The following SENP1 variants were observed in gnomAD, a reference collection of about 807,000 sequenced individuals.
SENP1 encodes sentrin-specific protease 1.
SENP1 carries 21 observed loss-of-function variants against 93.0 expected under a neutral mutation model. The ratio of observed to expected loss-of-function variants is 0.23; its 90% CI spans 0.16 to 0.33. SENP1 has a LOEUF of 0.33. Among genes scored for constraint, SENP1 ranks in the 10% least tolerant of loss-of-function variants. The pLI, the probability that SENP1 is intolerant of heterozygous loss-of-function variation, is 1.00. For synonymous variants in SENP1, 256 were observed against 259.6 expected (o/e 0.99, Z 0.13); for missense variants, 591 against 758.7 (o/e 0.78, Z 2.60).
chr12:48,098,292 A>C (rs1173735218), intron 2 of SENP1, among the ~76,000 whole-genome samples, 168 bp from the exon 3 acceptor site: 1 of 150,170 alleles, frequency 6.7e-6, no homozygotes, highest in Admixed American at 6.6e-5. Context: ...TTTGAGGCCA[A>C]AAGTTCAAGA....
chr12:48,070,703 G>T (rs1403946691), intron 9 of SENP1, among the ~76,000 whole-genome samples: 1 of 152,140 alleles, frequency 6.6e-6, no homozygotes, highest in African/African-American at 2.4e-5. Context: ...AACCACCCTT[G>T]AAGGAGGTTA....
chr12:48,056,542 ATTT>A (rs888455954), intron 13 of SENP1, among the ~76,000 whole-genome samples: 1 of 65,492 alleles, frequency 1.5e-5, no homozygotes, highest in Non-Finnish European at 2.3e-5. Flanking sequence ...TAAATATATT[ATTT>A]AATATATTAC....
chr12:48,047,524 C>G (rs902784124), intron 15 of SENP1, among the ~76,000 whole-genome samples: 3 of 152,192 alleles, frequency 2.0e-5, no homozygotes, highest in African/African-American at 7.2e-5. Context: ...TTCAATAGAG[C>G]TCTCTTTTAA....
chr12:48,056,945 AC>A lies in SENP1; in HGVS notation c.1407+6764del, dbSNP rs1942537250. 4.3e-5 allele frequency among the ~76,000 whole-genome samples: 2 copies of A among 46,460 alleles called. 1 individual carries two copies. The highest frequency in any genetic ancestry group is 6.0e-5 in the Non-Finnish European group (2 of 33,418). 30.5% of individuals were successfully genotyped at this position (46,460 alleles called of 152,430 possible). A position where few individuals can be genotyped will look rare whatever the true frequency, so the allele number is the denominator to read the frequency against. ...TATATTATTTAATATATTACATATT[AC>A]ATATATAATATATTATTTAATATAT... On this transcript the variant is annotated intron_variant, in intron 13 of 17. Coordinates refer to ENST00000549518, the MANE Select transcript of SENP1 (RefSeq NM_001267594.2).
At chr12:48,063,418 G>C (rs907093626) in intron 13 of SENP1, among the ~76,000 whole-genome samples, 1 of 152,118 alleles carries the variant, frequency 6.6e-6, no homozygotes, top group Non-Finnish European at 1.5e-5. Context: ...TGCAGAATAG[G>C]AGCCTTAAAG....
intron 6 of SENP1, among the ~76,000 whole-genome samples, chr12:48,077,368 TG>T (rs1385554050): frequency 6.6e-6 from 1 of 152,218 alleles, no homozygotes; most frequent in Non-Finnish European, 1.5e-5. Context: ...TAGTTTTTCC[TG>T]TTTTCTTCTA....
chr12:48,076,628 A>G (rs1012742247), intron 6 of SENP1, among the ~76,000 whole-genome samples: 30 of 149,544 alleles, frequency 2.0e-4, no homozygotes, highest in African/African-American at 7.2e-4. Flanking sequence ...CACAGCACCC[A>G]ATATGTAGTT....
At chr12:48,053,671 A>C (rs1042992581) in intron 13 of SENP1, among the ~76,000 whole-genome samples, 33 of 152,242 alleles carry the variant, frequency 2.2e-4, no homozygotes, top group African/African-American at 7.9e-4. Context: ...GCTGAGAGAT[A>C]TCTCTTTCTT....
At chr12:48,078,317 T>TTATATATATATATATACATATATATA (rs1944246537) in intron 6 of SENP1, among the ~76,000 whole-genome samples, 3 of 70,732 alleles carry the variant, frequency 4.2e-5, no homozygotes, top group Admixed American at 1.7e-4. Context: ...CTGTAGGATT[T>TTATATATATATATATACATATATATA]TATATATATA....
At position 48,074,804 on chromosome 12, in the gene SENP1, AC is replaced by A. The variant is rs760170777; in HGVS notation, c.553-12del. ...TTCTTCTTGAACTGTCTATAAGAAA[AC>A]AAAAAAAAAAAACAGTTTAAACACA... On this transcript the variant is annotated splice_polypyrimidine_tract_variant and intron_variant, in intron 6 of 17. Transcript: ENST00000549518. 5 of 1,547,258 alleles carry A rather than the reference AC, an allele frequency of 3.2e-6. No individual in the cohort carries two copies. The highest frequency in any genetic ancestry group is 3.8e-5 in the Admixed American group (2 of 52,602).
rs531163387 is a variant in SENP1, at chr12:48,089,518, C to G, written c.221-558G>C. Among the ~76,000 whole-genome samples, 9 of 152,326 alleles carry G rather than the reference C, an allele frequency of 5.9e-5. No homozygotes were observed. The South Asian group carries it at 1.9e-3, about 32-fold the overall frequency. On this transcript the variant is annotated intron_variant, in intron 4 of 17. Transcript: ENST00000549518. ...AATGACCCATCATATATATCTGGTTCTGGTATAATAATCTTCAGTCATCTA... is the reference window on the plus strand; with the variant it reads ...AATGACCCATCATATATATCTGGTTGTGGTATAATAATCTTCAGTCATCTA...
In SENP1 at chr12:48,049,090, C is replaced by T; in HGVS notation, c.1450G>A (p.Glu484Lys). The change falls in exon 14 of 18, where the codon GAG (glutamate) becomes AAG (lysine). Residue 484 changes from glutamate to lysine, a missense_variant. By Grantham distance (56) the Glu-to-Lys change is moderately conservative (BLOSUM62 1). Coordinates refer to ENST00000549518, the MANE Select transcript of SENP1 (RefSeq NM_001267594.2). ...GCATGCACACTTGGCAAGCCCTTCT[C>T]TTTACTTCGCTCCATCAGCATATTC... ...YMNMLMERSK[E>K]KGLPSVHAFN... is the part of the protein sequence containing the mutation. 5.6e-6 allele frequency: 9 copies of T among 1,613,642 alleles called. No individual in the cohort carries two copies. Among genetic ancestry groups the T allele is most frequent in the Non-Finnish European group, 7.6e-6 (9 of 1,179,640 alleles).
chr12:48,081,711 C>G (rs918494209), intron 6 of SENP1, among the ~76,000 whole-genome samples: 6 of 151,146 alleles, frequency 4.0e-5, no homozygotes, highest in Admixed American at 4.0e-4. Context: ...GGTGGAACTA[C>G]AGCCACCTGC....
chr12:48,054,838 C>T (rs1397749215), intron 13 of SENP1: 1 of 152,184 alleles, frequency 6.6e-6, no homozygotes, highest in Non-Finnish European at 1.5e-5. Context: ...TTAATCCAAT[C>T]TGACAATCTC....
rs1472849981 is a variant in SENP1 at position 48,088,861 on chromosome 12, G to A, written c.320C>T (p.Ser107Leu). 1 of 1,607,006 alleles carries A rather than the reference G, an allele frequency of 6.2e-7. No individual in the cohort carries two copies. The highest frequency in any genetic ancestry group is 1.7e-5 in the Admixed American group (1 of 58,926). Residue 107 changes from serine (S) to leucine (L), a missense_variant, in exon 5 of 18, where the codon TCA becomes TTA. By Grantham distance (145) the Ser-to-Leu change is moderately radical. Around this residue, in one of 4 missense-constraint regions of SENP1, gnomAD observed 214 missense variants for 243.4 expected, o/e 0.88. Coordinates refer to ENST00000549518, the MANE Select transcript of SENP1 (RefSeq NM_001267594.2). Reference sequence around the variant, plus strand: ...GCTGTTTCTTGATTTTTGTAAAGATGAGCTTGACGATGGGGTAGAATTTCT... The same window carrying A: ...GCTGTTTCTTGATTTTTGTAAAGATAAGCTTGACGATGGGGTAGAATTTCT... ...QWRNSTPSSS[S>L]SLQKSRNSRS...
At chr12:48,059,452 T>A (rs1387544516) in intron 13 of SENP1, among the ~76,000 whole-genome samples, 1 of 152,212 alleles carries the variant, frequency 6.6e-6, no homozygotes, top group African/African-American at 2.4e-5. Context: ...GTTTAAAAAA[T>A]ATCTTCCATT....
intron 4 of SENP1, among the ~76,000 whole-genome samples, chr12:48,090,557 C>T (rs551205901): frequency 2.6e-5 from 4 of 152,252 alleles, no homozygotes; most frequent in Admixed American, 2.0e-4. Context: ...TGGGATCAAA[C>T]AAAGCTAGAG....
intron 6 of SENP1, among the ~76,000 whole-genome samples, chr12:48,079,463 C>A (rs1011200813): frequency 2.0e-5 from 3 of 152,154 alleles, no homozygotes; most frequent in Non-Finnish European, 4.4e-5. Flanking sequence ...CGCGCCACTG[C>A]ACTCCAGCTG....
At chr12:48,051,040 G>A (rs1463386800) in intron 13 of SENP1, among the ~76,000 whole-genome samples, 1 of 151,356 alleles carries the variant, frequency 6.6e-6, no homozygotes, top group Admixed American at 6.6e-5. Flanking sequence ...ATCTCCCCTA[G>A]GTGCCTATCA....
Sources: allele counts gnomAD v4.1 joint callset (sites outside exome capture counted in the v4.1 genomes callset), GRCh38; gene constraint gnomAD v4.1.1; regional missense constraint gnomAD v4.1.1; transcripts MANE v1.5; gene names NCBI Gene and HGNC (gene_info 2026-07-23, HGNC 2026-07-21).